DCHS2: variants seen among roughly 807,000 people sequenced by gnomAD.
DCHS2 encodes the protein dachsous cadherin-related 2, also known as protocadherin-23.
Under a neutral mutation model 182.4 loss-of-function variants are expected in DCHS2, and 142 were observed. The observed-to-expected ratio is 0.78, with a 90% CI of 0.68 to 0.89. The LOEUF (loss-of-function observed/expected upper bound fraction) is 0.89, where lower values mean the gene tolerates loss of function less well. DCHS2 is among the 40% of genes least tolerant of loss of function. The probability of loss-of-function intolerance (pLI) is 0.00; values close to 1 mark genes in which losing one functional copy is unlikely to be tolerated. For missense variants in DCHS2, 4,319 were observed against 4,198.6 expected, an observed-to-expected ratio of 1.03 and a Z score of -0.79; for synonymous variants, 1,740 against 1,663.3, an observed-to-expected ratio of 1.05 and a Z score of -1.12.
At chr4:154,242,186 C>T (rs935514231) in intron 17 of DCHS2, among the ~76,000 whole-genome samples, 21 of 152,216 alleles carry the variant, frequency 1.4e-4, no homozygotes, top group Middle Eastern at 3.4e-3. Context: ...GTGGTACAAA[C>T]GTTGAAGATA....
At position 154,490,110 on chromosome 4, in the gene DCHS2, G is replaced by C. The variant is rs1167123249; in HGVS notation, c.1246C>G (p.Leu416Val). 8 of 1,548,670 alleles carry C rather than the reference G, an allele frequency of 5.2e-6. No homozygotes were observed. Among genetic ancestry groups the C allele is most frequent in the Non-Finnish European group, 5.2e-6 (6 of 1,145,904 alleles). ...VNDNRPAIHV[L>V]FLTEGGVARV... ...GCGACGCCTCCCTCTGTGAGAAAGA[G>C]CACGTGAATTGCTGGCCGGTTGTCA... The change falls in exon 1 of 20, where the codon CTC (leucine) becomes GTC (valine). Residue 416 changes from leucine to valine, a missense_variant. Physicochemically the swap from Leu to Val is conservative, Grantham distance 32. Coordinates refer to ENST00000357232, the MANE Select transcript of DCHS2 (RefSeq NM_001358235.2).
At chr4:154,263,870 G>A (rs531585901) in intron 14 of DCHS2, among the ~76,000 whole-genome samples, 32 of 152,012 alleles carry the variant, frequency 2.1e-4, no homozygotes, top group African/African-American at 7.2e-4. Flanking sequence ...CTGCAGCAAC[G>A]GTGATGAGTT....
chr4:154,443,187 A>G (rs935135469), intron 1 of DCHS2, among the ~76,000 whole-genome samples: 4 of 152,114 alleles, frequency 2.6e-5, no homozygotes, highest in African/African-American at 7.2e-5. Context: ...ATCGCTCCTA[A>G]GTTAGTTAAA....
rs74697265 is a variant in DCHS2, at chr4:154,442,134, G to T, written c.2052+47170C>A. Among the ~76,000 whole-genome samples, 379 of 152,170 alleles carry T rather than the reference G, an allele frequency of 2.5e-3. 5 individuals carry two copies. The East Asian group carries it at 0.038, about 15-fold the overall frequency. On this transcript the variant is annotated intron_variant, in intron 1 of 19. Transcript: ENST00000357232. Reference sequence around the variant, plus strand: ...GCTGGTGACAAAATTTAGTGGGCAGGTACACAGAATTCAACTTGCTCCCAG... The same window carrying T: ...GCTGGTGACAAAATTTAGTGGGCAGTTACACAGAATTCAACTTGCTCCCAG...
At chr4:154,405,493 C>T (rs114131286) in intron 1 of DCHS2, among the ~76,000 whole-genome samples, 4,984 of 151,558 alleles carry the variant, frequency 0.033, 112 homozygotes, top group Non-Finnish European at 0.05. Flanking sequence ...CATTCACTCT[C>T]TTCTCCCTAA....
At chr4:154,331,635 A>G in intron 5 of DCHS2, 1 of 1,613,968 alleles carries the variant, frequency 6.2e-7, no homozygotes, top group Non-Finnish European at 8.5e-7. Context: ...GAAGTTCATC[A>G]GAACTGAATG....
Position 154,490,547 on chromosome 4 carries a change from TC to T in DCHS2, c.808del (p.Asp270ThrfsTer11). 6.5e-7 allele frequency: 1 copy of T among 1,539,978 alleles called. No individual in the cohort carries two copies. The stretch of plus-strand genomic sequence containing the variant: ...GCCGGTGCGCCGGGGTCGGCCGCCG[TC>T]CCATGCCTCGATCTGCAGCCGGTGC... Reference protein sequence around the residue: ...AAHRLQIEAWDGGRPRRTGLL... With the variant: ...AAHRLQIEAWXGGRPRRTGLL... On this transcript the variant is annotated frameshift_variant, in exon 1 of 20. Transcript: ENST00000357232. LOFTEE classifies it high-confidence loss of function.
At chr4:154,318,341 G>A (rs1176364542) in intron 9 of DCHS2, among the ~76,000 whole-genome samples, 1 of 151,748 alleles carries the variant, frequency 6.6e-6, no homozygotes, top group Non-Finnish European at 1.5e-5. Context: ...AAAAGAAAAA[G>A]TTAAATATAA....
intron 1 of DCHS2, among the ~76,000 whole-genome samples, chr4:154,397,769 A>G (rs1340325287): frequency 5.3e-5 from 8 of 152,218 alleles, no homozygotes; most frequent in African/African-American, 1.9e-4. Flanking sequence ...CCCATTTGTC[A>G]ATGAATTCCG....
At chr4:154,252,175 T>TTTAA (rs1237781690) in intron 16 of DCHS2, among the ~76,000 whole-genome samples, 1 of 152,150 alleles carries the variant, frequency 6.6e-6, no homozygotes, top group East Asian at 1.9e-4. Context: ...TTTTTCAATT[T>TTTAA]TTAATTTTTG....
chr4:154,412,692 T>C (rs1732681336), intron 1 of DCHS2, among the ~76,000 whole-genome samples: 2 of 152,222 alleles, frequency 1.3e-5, no homozygotes, highest in South Asian at 4.1e-4. Flanking sequence ...TCTTCTAAGC[T>C]TTTCATACGT....
chr4:154,328,861 T>C (rs1736398060), intron 6 of DCHS2, among the ~76,000 whole-genome samples: 2 of 152,236 alleles, frequency 1.3e-5, no homozygotes, highest in South Asian at 4.1e-4. Context: ...TTGAGCACAA[T>C]TTGAATGTCT....
chr4:154,313,390 G>T (rs1192037742), intron 10 of DCHS2, among the ~76,000 whole-genome samples: 1 of 152,012 alleles, frequency 6.6e-6, no homozygotes, highest in Non-Finnish European at 1.5e-5. Context: ...AAATCCCTGT[G>T]GGCTTTGAAT....
chr4:154,462,162 A>G (rs1735035758), intron 1 of DCHS2, among the ~76,000 whole-genome samples: 2 of 152,182 alleles, frequency 1.3e-5, no homozygotes, highest in South Asian at 4.1e-4. Context: ...AACATAGAGT[A>G]TCTTTGGTTG....
At chr4:154,410,529 C>T (rs1425826230) in intron 1 of DCHS2, among the ~76,000 whole-genome samples, 10 of 125,500 alleles carry the variant, frequency 8.0e-5, no homozygotes, top group Non-Finnish European at 1.6e-4. Context: ...GGCACGGTGG[C>T]TCACACCTGT....
intron 1 of DCHS2, among the ~76,000 whole-genome samples, chr4:154,401,755 G>A (rs1254427334): frequency 6.6e-6 from 1 of 152,208 alleles, no homozygotes; most frequent in African/African-American, 2.4e-5. Context: ...CACTTTGGGA[G>A]GCCAAGGCGG....
rs918496977 is a variant in DCHS2, at chr4:154,237,294, G to A, written c.7493-135C>T. 4 of 1,165,228 alleles carry A rather than the reference G, an allele frequency of 3.4e-6. No individual in the cohort carries two copies. In the African/African-American group the frequency reaches 6.2e-5, roughly 18 times the overall value. The allele number at this position is 1,165,228 out of a possible 1,614,324, so 72.2% of individuals were successfully genotyped here. A position where few individuals can be genotyped will look rare whatever the true frequency, so the allele number is the denominator to read the frequency against. ...GATCTGTTAAGTCACAATGAACAAT[G>A]ACTCCAAATAGAAATACAAATTATT... On this transcript the variant is annotated intron_variant, in intron 19 of 19. Transcript: ENST00000357232.
intron 1 of DCHS2, among the ~76,000 whole-genome samples, chr4:154,476,859 T>C (rs1240893975): frequency 6.6e-6 from 1 of 152,198 alleles, no homozygotes; most frequent in Non-Finnish European, 1.5e-5. Context: ...ATATTATCTT[T>C]AGGTGTTTAT....
rs527886455 is a variant in DCHS2 at position 154,298,297 on chromosome 4, C to T, written c.6017G>A (p.Ser2006Asn). ...DREARSQHTF[S>N]AVARDCSIQG... ...GATGCTACAGTCTCTGGCCACAGCA[C>T]TAAATGTATGCTGAGATCTGGCTTC... Residue 2006 changes from serine (S) to asparagine (N), a missense_variant, in exon 13 of 20, where the codon AGT becomes AAT. Coordinates refer to ENST00000357232, the MANE Select transcript of DCHS2 (RefSeq NM_001358235.2). 6.2e-7 allele frequency: 1 copy of T among 1,614,074 alleles called. No homozygotes were observed.
Sources: gnomAD v4.1 joint callset for allele counts (sites outside exome capture counted in the v4.1 genomes callset) on GRCh38, gnomAD v4.1.1 for gene constraint, MANE v1.5 for transcripts, NCBI Gene and HGNC (gene_info 2026-07-23, HGNC 2026-07-21) for gene names.